Variants in TACR2 observed in about 807,000 individuals in gnomAD.
The protein encoded by TACR2 is tachykinin receptor 2, also known as substance-K receptor.
TACR2 carries 24 observed loss-of-function variants against 28.9 expected under a neutral mutation model. That is an observed-to-expected ratio of 0.83 (90% CI 0.60 to 1.17). TACR2 has a LOEUF of 1.17. Among genes scored for constraint, TACR2 ranks in the 50% most tolerant of loss-of-function variants. TACR2 has a pLI of 0.00. For missense variants in TACR2, 487 were observed against 524.4 expected (o/e 0.93, Z 0.70); for synonymous variants, 222 against 212.6 (o/e 1.04, Z -0.38).
intron 3 of TACR2, among the ~76,000 whole-genome samples, chr10:69,408,136 A>AC (rs1236362437): frequency 6.6e-6 from 1 of 152,156 alleles, no homozygotes; most frequent in East Asian, 1.9e-4. Flanking sequence ...ACAGAGGGCT[A>AC]CATCAGGACC....
intron 1 of TACR2, 82 bp from the exon 2 acceptor site, chr10:69,415,221 C>G: frequency 2.1e-6 from 3 of 1,447,998 alleles, no homozygotes; most frequent in Non-Finnish European, 2.8e-6. Context: ...TCTCCCAACC[C>G]AGGCCCACGC....
Position 69,415,042 on chromosome 10 carries a change from A to T in TACR2, c.490T>A (p.Ser164Thr), listed in dbSNP as rs1486601269. 1 of 1,613,866 alleles carries T rather than the reference A, an allele frequency of 6.2e-7. No homozygotes were observed. Among genetic ancestry groups the T allele is most frequent in the African/African-American group, 1.3e-5 (1 of 75,046 alleles). ...GIWLVALALA[S>T]PQCFYSTVTM... ...ACGGTGGAGTAGAAGCACTGAGGGG[A>T]GGCCAGGGCGAGAGCCACCAGCCAG... The change falls in exon 2 of 5, where the codon TCC becomes ACC. Residue 164 changes from serine to threonine, a missense_variant. Physicochemically the swap from Ser to Thr is moderately conservative, Grantham distance 58. Transcript: ENST00000373306.
chr10:69,410,364 TA>T (rs1011738304), intron 2 of TACR2, among the ~76,000 whole-genome samples: 5 of 151,284 alleles, frequency 3.3e-5, no homozygotes, highest in Non-Finnish European at 7.4e-5. Context: ...TAAAAAAAAT[TA>T]AAAAAATTAG....
rs753570963 is a variant in TACR2, at chr10:69,415,131, GC to G, written c.400del (p.Ala134ProfsTer68). 3 of 1,611,364 alleles carry G rather than the reference GC, an allele frequency of 1.9e-6. No homozygotes were observed. Among genetic ancestry groups the G allele is most frequent in the Non-Finnish European group, 1.7e-6 (2 of 1,179,492 alleles). On this transcript the variant is annotated frameshift_variant, in exon 2 of 5. Coordinates refer to ENST00000373306, the MANE Select transcript of TACR2 (RefSeq NM_001057.3). LOFTEE classifies it high-confidence loss of function. ...MTAIAADRYM[A>X]IVHPFQPRLS... is the part of the protein sequence containing the mutation. The stretch of plus-strand genomic sequence containing the variant: ...CCGAGGCTGGAAGGGGTGGACGATG[GC>G]CATGTACCTGTGAGCAGAGGGCAGC...
Position 69,404,882 on chromosome 10 carries a change from C to T in TACR2, c.1141G>A (p.Gly381Arg), listed in dbSNP as rs1332233628. 6.2e-7 allele frequency: 1 copy of T among 1,611,924 alleles called. No homozygotes were observed. The highest frequency in any genetic ancestry group is 8.5e-7 in the Non-Finnish European group (1 of 1,178,628). The change falls in exon 5 of 5, where the codon GGG becomes AGG. Residue 381 changes from glycine (G) to arginine (R), a missense_variant. Gly to Arg is a moderately radical substitution (Grantham distance 125). Coordinates refer to ENST00000373306, the MANE Select transcript of TACR2 (RefSeq NM_001057.3). ...AGCAAACCATACCCAAACCATAGCC[C>T]TGATCCATCCTGGGGACGCCCCGCC... ...GEAGRPQDGS[G>R]LWFGYGLLAP...
rs539667250 is a variant in TACR2 at position 69,410,432 on chromosome 10, G to T, written c.588-1357C>A. On this transcript the variant is annotated intron_variant, in intron 2 of 4. Coordinates refer to ENST00000373306, the MANE Select transcript of TACR2 (RefSeq NM_001057.3). The stretch of plus-strand genomic sequence containing the variant: ...GCTACTCAGGAGGCTGAGGCAAGAG[G>T]TTCACTTGAGCCCAGGAGATCGAGG... 2.7e-4 allele frequency among the ~76,000 whole-genome samples: 41 copies of T among 150,906 alleles called. No homozygotes were observed. In the South Asian group the frequency reaches 7.0e-3, roughly 26 times the overall value.
At chr10:69,407,561 G>T (rs1840514727) in intron 3 of TACR2, among the ~76,000 whole-genome samples, 1 of 152,198 alleles carries the variant, frequency 6.6e-6, no homozygotes, top group Non-Finnish European at 1.5e-5. Context: ...CCTACAAAAG[G>T]TGTCTGGGAC....
intron 2 of TACR2, among the ~76,000 whole-genome samples, chr10:69,411,195 C>A (rs74552257): frequency 0.021 from 3,257 of 152,290 alleles, 121 homozygotes; most frequent in African/African-American, 0.075. Context: ...AGGCTTGCTG[C>A]GCCCCTTTCT....
Position 69,407,398 on chromosome 10 carries a change from G to A in TACR2, c.742-118C>T, listed in dbSNP as rs116757045. ...GGGAACTGCTCCACACACAGACCCC[G>A]TTAGCTCTATTACTCAGGCCTCTGA... On this transcript the variant is annotated intron_variant, in intron 3 of 4. Transcript: ENST00000373306. 9.2e-4 allele frequency: 894 copies of A among 970,912 alleles called. 4 individuals are homozygous for A. The African/African-American group carries it at 0.013, about 14-fold the overall frequency. 60.1% of individuals were successfully genotyped at this position (970,912 alleles called of 1,614,324 possible).
Position 69,416,352 on chromosome 10 carries a change from C to T in TACR2, c.-29G>A. 1.3e-6 allele frequency: 2 copies of T among 1,552,170 alleles called. No individual in the cohort carries two copies. The highest frequency in any genetic ancestry group is 1.4e-5 in the African/African-American group (1 of 73,322). ...TGCTTCTGGGTCTGGAACAAAGGACCTGGCTCCTCGGCTCCTCTCGGATTT... is the reference window on the plus strand; with the variant it reads ...TGCTTCTGGGTCTGGAACAAAGGACTTGGCTCCTCGGCTCCTCTCGGATTT... On this transcript the variant is annotated 5_prime_UTR_variant, in exon 1 of 5. Transcript: ENST00000373306.
At chr10:69,408,442 T>G (rs77644971) in intron 3 of TACR2, among the ~76,000 whole-genome samples, 3,607 of 152,214 alleles carry the variant, frequency 0.024, 115 homozygotes, top group African/African-American at 0.068. Context: ...CCCCTAACAT[T>G]CTGGGAAGTT....
At chr10:69,413,193 G>A (rs572188298) in intron 2 of TACR2, among the ~76,000 whole-genome samples, 26 of 152,208 alleles carry the variant, frequency 1.7e-4, no homozygotes, top group African/African-American at 5.1e-4. Context: ...AGTTACATGA[G>A]CCTGTGTGGA....
At position 69,404,546 on chromosome 10, in the gene TACR2, C is replaced by T. The variant is rs188632109; in HGVS notation, c.*280G>A. ...GGTGGCTGGAATATCCAAGATTGGGCAGCTGCATCTGGTGAAGGCCTCAGG... is the reference window on the plus strand; with the variant it reads ...GGTGGCTGGAATATCCAAGATTGGGTAGCTGCATCTGGTGAAGGCCTCAGG... On this transcript the variant is annotated 3_prime_UTR_variant, in exon 5 of 5. Coordinates refer to ENST00000373306, the MANE Select transcript of TACR2 (RefSeq NM_001057.3). 42 of 288,088 alleles carry T rather than the reference C, an allele frequency of 1.5e-4. No homozygotes were observed. The East Asian group carries it at 1.8e-3, about 12-fold the overall frequency. The allele number at this position is 288,088 out of a possible 1,614,324, so 17.8% of individuals were successfully genotyped here. A position where few individuals can be genotyped will look rare whatever the true frequency, so the allele number is the denominator to read the frequency against.
chr10:69,407,944 C>T lies in TACR2; in HGVS notation c.742-664G>A, dbSNP rs145236042. 2.0e-5 allele frequency among the ~76,000 whole-genome samples: 3 copies of T among 152,318 alleles called. No homozygotes were observed. The East Asian group carries it at 5.8e-4, about 29-fold the overall frequency. On this transcript the variant is annotated intron_variant, in intron 3 of 4. Transcript: ENST00000373306. Reference sequence around the variant, plus strand: ...GGAGGCCAGTGCTCCATGAGGGGCACCAGATGGCGCCCATGTGCAGCTATC... The same window carrying T: ...GGAGGCCAGTGCTCCATGAGGGGCATCAGATGGCGCCCATGTGCAGCTATC...
At chr10:69,414,671 G>A (rs1470153491) in intron 2 of TACR2, among the ~76,000 whole-genome samples, 1 of 152,056 alleles carries the variant, frequency 6.6e-6, no homozygotes, top group Non-Finnish European at 1.5e-5. Flanking sequence ...CTAAAAAATG[G>A]TAAGAATAAT....
chr10:69,414,360 G>A (rs1354092329), intron 2 of TACR2, among the ~76,000 whole-genome samples: 1 of 152,208 alleles, frequency 6.6e-6, no homozygotes, highest in Non-Finnish European at 1.5e-5. Context: ...CCTAACACGT[G>A]CCTGTGTGCA....
rs1285712264 is a variant in TACR2, at chr10:69,416,857, G to A, written c.-534C>T. The A allele has an allele frequency of 6.5e-6, 1 of 152,836 alleles. No homozygotes were observed. The highest frequency in any genetic ancestry group is 1.5e-5 in the Non-Finnish European group (1 of 68,542). The allele number at this position is 152,836 out of a possible 1,614,324, so 9.5% of individuals were successfully genotyped here. On this transcript the variant is annotated 5_prime_UTR_variant, in exon 1 of 5. Coordinates refer to ENST00000373306, the MANE Select transcript of TACR2 (RefSeq NM_001057.3). ...GGCTTTGGGCTGCAAGCCGGGCTGG[G>A]TGCTGGGTGCTCAGGGCTCTGCCAG...
chr10:69,414,007 C>T (rs375611832), intron 2 of TACR2, among the ~76,000 whole-genome samples: 3 of 152,208 alleles, frequency 2.0e-5, no homozygotes, highest in Admixed American at 6.5e-5. Flanking sequence ...CCTCCGGCCA[C>T]GTGGGACCAG....
intron 2 of TACR2, among the ~76,000 whole-genome samples, chr10:69,409,866 T>TATATATATATATATACATATATAC (rs1840546886): frequency 1.5e-3 from 31 of 20,870 alleles, no homozygotes; most frequent in Admixed American, 9.2e-3. Context: ...TATGTATATG[T>TATATATATATATATACATATATAC]ATATATATAT....
Sources: gnomAD v4.1 joint callset for allele counts (sites outside exome capture counted in the v4.1 genomes callset) on GRCh38, gnomAD v4.1.1 for gene constraint, MANE v1.5 for transcripts, NCBI Gene and HGNC (gene_info 2026-07-23, HGNC 2026-07-21) for gene names.